The following PKN2 variants were observed in gnomAD, a reference collection of about 807,000 sequenced individuals.
PKN2 encodes the protein serine/threonine-protein kinase N2.
Under a neutral mutation model 119.1 loss-of-function variants are expected in PKN2, and 38 were observed. The ratio of observed to expected loss-of-function variants is 0.32; its 90% CI spans 0.25 to 0.42. The LOEUF is 0.42. Among genes scored for constraint, PKN2 ranks in the 10% least tolerant of loss-of-function variants. PKN2 has a pLI of 1.00. For missense variants in PKN2, 850 were observed against 1,165.1 expected (o/e 0.73, Z 3.94); for synonymous variants, 390 against 384.9 (o/e 1.01, Z -0.15).
At position 88,784,775 on chromosome 1, in the gene PKN2, A is replaced by T; in HGVS notation, c.1122A>T (p.Lys374Asn). 6.2e-7 allele frequency: 1 copy of T among 1,612,268 alleles called. No individual in the cohort carries two copies. Among genetic ancestry groups the T allele is most frequent in the Non-Finnish European group, 8.5e-7 (1 of 1,179,052 alleles). Reference sequence around the variant, plus strand: ...CATCTTTCATGAGCAGAACGAGTAAAAGTAAAAGCGGAAGTAGTCGAAATC... The same window carrying T: ...CATCTTTCATGAGCAGAACGAGTAATAGTAAAAGCGGAAGTAGTCGAAATC... ...TRSSFMSRTS[K>N]SKSGSSRNLL... The change falls in exon 7 of 22, where the codon AAA becomes AAT. Residue 374 changes from lysine (K) to asparagine (N), a missense_variant. By Grantham distance (94) the Lys-to-Asn change is moderately conservative (BLOSUM62 0). Around this residue, in one of 9 missense-constraint regions of PKN2, gnomAD observed 350 missense variants for 511.1 expected, o/e 0.68. Transcript: ENST00000370521.
chr1:88,710,124 G>T (rs183903061), intron 1 of PKN2, among the ~76,000 whole-genome samples: 25 of 152,210 alleles, frequency 1.6e-4, no homozygotes, highest in Middle Eastern at 3.4e-3. Flanking sequence ...ATGTAAAACC[G>T]GTCCTGGGAT....
At chr1:88,723,093 T>C (rs771803579) in intron 1 of PKN2, among the ~76,000 whole-genome samples, 4 of 151,862 alleles carry the variant, frequency 2.6e-5, no homozygotes, top group Non-Finnish European at 5.9e-5. Flanking sequence ...ACATGGTTCT[T>C]TGAATATTTG....
chr1:88,784,033 T>C (rs1228933546), intron 6 of PKN2, among the ~76,000 whole-genome samples: 1 of 152,162 alleles, frequency 6.6e-6, no homozygotes, highest in Admixed American at 6.5e-5. Flanking sequence ...GCATATTATT[T>C]AGCTTTATGT....
At chr1:88,803,296 A>G (rs940659363) in intron 8 of PKN2, among the ~76,000 whole-genome samples, 1 of 152,184 alleles carries the variant, frequency 6.6e-6, no homozygotes, top group Non-Finnish European at 1.5e-5. Flanking sequence ...GTTCATTAAC[A>G]TCAACTAGAT....
chr1:88,820,235 A>ATATATAT (rs1672216340), intron 16 of PKN2, among the ~76,000 whole-genome samples: 1 of 93,516 alleles, frequency 1.1e-5, no homozygotes, highest in African/African-American at 5.9e-5. Context: ...TATATATATA[A>ATATATAT]ATAGAAAAAA....
At chr1:88,824,430 G>A (rs1191176640) in intron 18 of PKN2, 44 bp downstream of exon 18, 1 of 1,076,276 alleles carries the variant, frequency 9.3e-7, no homozygotes, top group Non-Finnish European at 1.4e-6. Flanking sequence ...CAGAATTACT[G>A]TTTCTTTGTG....
At chr1:88,707,594 GTTAGCCA>G (rs1667054330) in intron 1 of PKN2, among the ~76,000 whole-genome samples, 1 of 152,086 alleles carries the variant, frequency 6.6e-6, no homozygotes, top group African/African-American at 2.4e-5. Context: ...ATATCTTCAA[GTTAGCCA>G]TATGTTGATT....
chr1:88,714,322 G>A (rs535751965), intron 1 of PKN2, among the ~76,000 whole-genome samples: 1 of 152,268 alleles, frequency 6.6e-6, no homozygotes, highest in Non-Finnish European at 1.5e-5. Flanking sequence ...TGTGAAGAAA[G>A]GCATTGGTAG....
intron 3 of PKN2, among the ~76,000 whole-genome samples, chr1:88,765,722 A>G (rs879676738): frequency 6.6e-5 from 10 of 152,320 alleles, no homozygotes; most frequent in Middle Eastern, 3.4e-3. Context: ...CAGTCTTGAC[A>G]TATTCCAGAC....
chr1:88,695,571 TTTG>T (rs1443563889), intron 1 of PKN2, among the ~76,000 whole-genome samples: 2 of 152,218 alleles, frequency 1.3e-5, no homozygotes, highest in Non-Finnish European at 2.9e-5. Flanking sequence ...CTCCTGCTCT[TTTG>T]TTCTCAGCAT....
Position 88,685,296 on chromosome 1 carries a change from C to T in PKN2, c.48+668C>T, listed in dbSNP as rs547865672. Reference sequence around the variant, plus strand: ...CGAGTGATAAATACAGGGTGCCTTTCTCTGCTACCCCTGCCCAGATCCGGG... The same window carrying T: ...CGAGTGATAAATACAGGGTGCCTTTTTCTGCTACCCCTGCCCAGATCCGGG... On this transcript the variant is annotated intron_variant, in intron 1 of 21. Transcript: ENST00000370521. The T allele has an allele frequency of 2.7e-5, 4 of 149,950 alleles. 2 individuals are homozygous for T. The highest frequency in any genetic ancestry group is 9.8e-5 in the African/African-American group (4 of 40,708). The allele number at this position is 149,950 out of a possible 1,614,324, so 9.3% of individuals were successfully genotyped here. A position where few individuals can be genotyped will look rare whatever the true frequency, so the allele number is the denominator to read the frequency against.
intron 6 of PKN2, among the ~76,000 whole-genome samples, chr1:88,774,945 G>T (rs898147973): frequency 6.6e-6 from 1 of 152,156 alleles, no homozygotes. Flanking sequence ...CCGGCCTCAA[G>T]TCATCTTCCC....
intron 2 of PKN2, among the ~76,000 whole-genome samples, chr1:88,746,045 C>A: frequency 6.6e-6 from 1 of 152,240 alleles, no homozygotes; most frequent in African/African-American, 2.4e-5. Context: ...GGAAGATGAA[C>A]CTTTATCTTA....
At chr1:88,767,995 A>G (rs538342014) in intron 3 of PKN2, among the ~76,000 whole-genome samples, 47 of 152,320 alleles carry the variant, frequency 3.1e-4, no homozygotes, top group African/African-American at 1.1e-3. Flanking sequence ...TATTTTATCC[A>G]AATTAGTACT....
At chr1:88,813,777 T>A in intron 16 of PKN2, 44 bp downstream of exon 16, 2 of 1,430,634 alleles carry the variant, frequency 1.4e-6, no homozygotes, top group Non-Finnish European at 1.9e-6. Flanking sequence ...CCATGACTGA[T>A]TTCATTCTGG....
intron 6 of PKN2, among the ~76,000 whole-genome samples, chr1:88,776,025 G>A (rs573777868): frequency 2.6e-5 from 4 of 151,192 alleles, no homozygotes; most frequent in South Asian, 4.2e-4. Flanking sequence ...GGAGAATGGC[G>A]TGAACCTGGG....
At chr1:88,820,182 ATATATATATATAT>A (rs1557634785) in intron 16 of PKN2, among the ~76,000 whole-genome samples, 535 of 8,116 alleles carry the variant, frequency 0.066, 23 homozygotes, top group Admixed American at 0.1. Flanking sequence ...TCAGAAACCT[ATATATATATATAT>A]ATATATATAT....
intron 15 of PKN2, among the ~76,000 whole-genome samples, chr1:88,808,881 C>T (rs1332653078): frequency 6.6e-6 from 1 of 152,090 alleles, no homozygotes; most frequent in African/African-American, 2.4e-5. Context: ...CATTGCTCCT[C>T]CTTAGTAAGG....
intron 3 of PKN2, among the ~76,000 whole-genome samples, chr1:88,763,200 T>C (rs1203618311): frequency 1.3e-5 from 2 of 152,182 alleles, no homozygotes; most frequent in African/African-American, 2.4e-5. Flanking sequence ...GGTTATATGG[T>C]ATTTGCACAG....
Sources: allele counts gnomAD v4.1 joint callset (sites outside exome capture counted in the v4.1 genomes callset), GRCh38; gene constraint gnomAD v4.1.1; regional missense constraint gnomAD v4.1.1; transcripts MANE v1.5; gene names NCBI Gene and HGNC (gene_info 2026-07-23, HGNC 2026-07-21).